Variants in PRRT4 observed in about 807,000 individuals in gnomAD.
The protein encoded by PRRT4 is proline-rich transmembrane protein 4.
In PRRT4, 59 loss-of-function variants were observed where a neutral mutation model predicts 55.6. The observed-to-expected ratio is 1.06, with a 90% CI of 0.86 to 1.32. PRRT4 has a LOEUF of 1.32. Ranked by LOEUF, PRRT4 falls within the 40% of genes most tolerant of loss-of-function variation. The pLI, the probability that PRRT4 is intolerant of heterozygous loss-of-function variation, is 0.00. For synonymous variants in PRRT4, 606 were observed against 601.8 expected (o/e 1.01, Z -0.10); for missense variants, 1,217 against 1,222.0 (o/e 1.00, Z 0.06).
At position 128,351,654 on chromosome 7, in the gene PRRT4, C is replaced by T; in HGVS notation, c.1902G>A (p.Trp634Ter). Residue 634 changes from tryptophan to a stop codon, truncating the protein, a stop_gained, in exon 5 of 5, where the codon TGG (tryptophan) becomes TGA (stop). Transcript: ENST00000535159. LOFTEE classifies it high-confidence loss of function. ...CCGGGGACAAGCGGAAGAGCTTGGC[C>T]CAGCAGCGCGGCGGCACGCGAGGAC... is the stretch of plus-strand genomic sequence containing the variant. 1 of 1,512,980 alleles carries T rather than the reference C, an allele frequency of 6.6e-7. No individual in the cohort carries two copies. The allele number at this position is 1,512,980 out of a possible 1,614,324, so 93.7% of individuals were successfully genotyped here.
chr7:128,352,036 GC>G lies in PRRT4; in HGVS notation c.1519del (p.Ala507LeufsTer64). On this transcript the variant is annotated frameshift_variant, in exon 5 of 5. Coordinates refer to ENST00000535159, the Ensembl canonical transcript of PRRT4. LOFTEE classifies it high-confidence loss of function. Reference sequence around the variant, plus strand: ...CGCCAGCAGCAGCCCGGAAAGGAAAGCGGCGAGAAAGGCGTGCAGCCCGCGC... The same window carrying G: ...CGCCAGCAGCAGCCCGGAAAGGAAAGGGCGAGAAAGGCGTGCAGCCCGCGC... 7.7e-7 allele frequency: 1 copy of G among 1,300,800 alleles called. No homozygotes were observed. Among genetic ancestry groups the G allele is most frequent in the Non-Finnish European group, 9.8e-7 (1 of 1,020,560 alleles). The allele number at this position is 1,300,800 out of a possible 1,614,324, so 80.6% of individuals were successfully genotyped here.
intron 4 of PRRT4, among the ~76,000 whole-genome samples, chr7:128,355,359 G>A (rs757544032): frequency 7.9e-4 from 120 of 152,200 alleles, no homozygotes; most frequent in African/African-American, 2.1e-3. Flanking sequence ...CACCATGCCC[G>A]ACTAATTTTT....
chr7:128,352,559 C>T (rs1454825153), exon 5 of PRRT4: 1 of 1,544,724 alleles, frequency 6.5e-7, no homozygotes. Context: ...GGCTGCCCCT[C>T]GCGTTCAGGC....
exon 5 of PRRT4, chr7:128,351,426 G>T: frequency 6.5e-7 from 1 of 1,528,270 alleles, no homozygotes; most frequent in Non-Finnish European, 8.8e-7. Flanking sequence ...TGCAGGGAGA[G>T]GAAGCCGGGG....
chr7:128,351,527 G>A, exon 5 of PRRT4: 1 of 1,487,622 alleles, frequency 6.7e-7, no homozygotes, highest in Non-Finnish European at 8.9e-7. Context: ...AGCGCGCACA[G>A]CTGCAGCAGC....
exon 5 of PRRT4, chr7:128,351,398 AGTCCACGGT>A: frequency 6.5e-7 from 1 of 1,542,326 alleles, no homozygotes; most frequent in Non-Finnish European, 8.7e-7. Flanking sequence ...GGCGGGCGGA[AGTCCACGGT>A]GTAATCGCTG....
intron 4 of PRRT4, among the ~76,000 whole-genome samples, chr7:128,353,069 G>A (rs1463226074): frequency 6.6e-6 from 1 of 151,912 alleles, no homozygotes; most frequent in Non-Finnish European, 1.5e-5. Flanking sequence ...ATGAGAACGG[G>A]GATTTTTGTT....
exon 5 of PRRT4, chr7:128,351,886 G>T: frequency 3.0e-6 from 4 of 1,327,026 alleles, no homozygotes; most frequent in Non-Finnish European, 3.8e-6. Flanking sequence ...CGTGCGCGCC[G>T]CGCGCCGCCA....
downstream of PRRT4, chr7:128,350,775 G>A (rs1054818078): frequency 1.3e-6 from 2 of 1,506,572 alleles, no homozygotes; most frequent in African/African-American, 1.4e-5. Context: ...GGAGGATTGG[G>A]GAAGGATTAC....
chr7:128,359,146 C>T lies in PRRT4; in HGVS notation c.757+3G>A. ...ATAGTTTATTGCAATGAAATAAACT[C>T]ACCCAGAGAACCCGAAACTCCAGAG... On this transcript the variant is annotated splice_donor_region_variant and intron_variant, in intron 3 of 4. Coordinates refer to ENST00000535159, the Ensembl canonical transcript of PRRT4. 2 of 1,551,552 alleles carry T rather than the reference C, an allele frequency of 1.3e-6. No homozygotes were observed. The highest frequency in any genetic ancestry group is 1.4e-5 in the African/African-American group (1 of 73,174).
At chr7:128,351,402 C>T in exon 5 of PRRT4, 1 of 1,541,374 alleles carries the variant, frequency 6.5e-7, no homozygotes, top group Non-Finnish European at 8.8e-7. Context: ...GGCGGAAGTC[C>T]ACGGTGTAAT....
intron 4 of PRRT4, among the ~76,000 whole-genome samples, chr7:128,353,457 G>GCACACA (rs138190898): frequency 4.0e-5 from 6 of 149,830 alleles, no homozygotes; most frequent in African/African-American, 1.5e-4. Context: ...ACACATACAC[G>GCACACA]CACACACACA....
At chr7:128,351,167 C>A (rs867388733) in exon 5 of PRRT4, 1 of 1,544,986 alleles carries the variant, frequency 6.5e-7, no homozygotes, top group Non-Finnish European at 8.7e-7. Flanking sequence ...CTGCTGCCTG[C>A]GGGCCAAGCC....
downstream of PRRT4, chr7:128,350,407 C>A (rs139846850): frequency 8.7e-3 from 1,728 of 199,646 alleles, 12 homozygotes; most frequent in Non-Finnish European, 0.013. Flanking sequence ...GGGTCATGGA[C>A]CCCTGTGGGT....
At chr7:128,351,652 G>A in exon 5 of PRRT4, 1 of 1,513,792 alleles carries the variant, frequency 6.6e-7, no homozygotes, top group Non-Finnish European at 8.8e-7. Flanking sequence ...GAAGAGCTTG[G>A]CCCAGCAGCG....
exon 5 of PRRT4, chr7:128,352,365 G>T (rs761580457): frequency 1.4e-5 from 21 of 1,525,336 alleles, no homozygotes; most frequent in Non-Finnish European, 1.7e-5. Context: ...GCGCCAGGCA[G>T]GGGGCGCCGG....
exon 2 of PRRT4, chr7:128,359,898 C>A: frequency 6.9e-7 from 1 of 1,459,698 alleles, no homozygotes; most frequent in Non-Finnish European, 9.1e-7. Flanking sequence ...GTGGCAGGGG[C>A]ACCTGGGATG....
At chr7:128,357,605 G>A (rs1271577867) in intron 4 of PRRT4, among the ~76,000 whole-genome samples, 1 of 152,240 alleles carries the variant, frequency 6.6e-6, no homozygotes, top group African/African-American at 2.4e-5. Flanking sequence ...ATCCAAGGGA[G>A]TGCAGTGACT....
exon 5 of PRRT4, chr7:128,351,141 C>T: frequency 6.5e-7 from 1 of 1,547,404 alleles, no homozygotes; most frequent in South Asian, 1.2e-5. Flanking sequence ...GTCCGCAGAA[C>T]GAGCCAGATG....
Sources: gnomAD v4.1 joint callset for allele counts (sites outside exome capture counted in the v4.1 genomes callset) on GRCh38, gnomAD v4.1.1 for gene constraint, MANE v1.5 for transcripts, NCBI Gene and HGNC (gene_info 2026-07-23, HGNC 2026-07-21) for gene names.